NTRK2: variants seen among roughly 807,000 people sequenced by gnomAD.
The protein encoded by NTRK2 is neurotrophic receptor tyrosine kinase 2.
NTRK2 carries 13 observed loss-of-function variants against 94.5 expected under a neutral mutation model. The observed-to-expected ratio is 0.14, with a 90% CI of 0.09 to 0.22. The LOEUF is 0.22. NTRK2 is among the 10% of genes least tolerant of loss of function. The pLI is 1.00. For missense variants in NTRK2, 639 were observed against 1,071.2 expected, an observed-to-expected ratio of 0.60 and a Z score of 5.63; for synonymous variants, 372 against 407.4, an observed-to-expected ratio of 0.91 and a Z score of 1.05.
At chr9:84,797,851 T>C (rs868316455) in intron 12 of NTRK2, among the ~76,000 whole-genome samples, 19 of 80,798 alleles carry the variant, frequency 2.4e-4, no homozygotes, top group African/African-American at 8.5e-4. Flanking sequence ...TATTATATAT[T>C]ATATATACTA....
intron 2 of NTRK2, among the ~76,000 whole-genome samples, chr9:84,693,039 T>C (rs1353257880): frequency 6.6e-6 from 1 of 152,230 alleles, no homozygotes; most frequent in African/African-American, 2.4e-5. Context: ...CAGGAGGAGA[T>C]GCTGGTTCAG....
intron 2 of NTRK2, among the ~76,000 whole-genome samples, chr9:84,685,765 C>A (rs2059673616): frequency 1.3e-5 from 2 of 152,158 alleles, no homozygotes; most frequent in East Asian, 1.9e-4. Context: ...TGTGATGTTG[C>A]TTCCTCTGCC....
At position 84,883,208 on chromosome 9, in the gene NTRK2, A is replaced by G. The variant is rs184658812; in HGVS notation, c.1633+15777A>G. On this transcript the variant is annotated intron_variant, in intron 14 of 18. Transcript: ENST00000277120. ...GGATAAATGTAAGAGTTTGGGGATC[A>G]CTGTTCCAGGTTAGACCCATTGTGG... Among the ~76,000 whole-genome samples the G allele has an allele frequency of 1.2e-4, 18 of 152,350 alleles. No individual in the cohort carries two copies. The East Asian group carries it at 2.9e-3, about 24-fold the overall frequency.
intron 14 of NTRK2, among the ~76,000 whole-genome samples, chr9:84,911,791 C>G (rs972859325): frequency 2.0e-5 from 3 of 151,726 alleles, no homozygotes; most frequent in African/African-American, 7.3e-5. Context: ...TTCCTTTTCT[C>G]TGCTTGTTTT....
At chr9:84,872,369 CA>C in intron 14 of NTRK2, 6 of 1,095,170 alleles carry the variant, frequency 5.5e-6, no homozygotes, top group South Asian at 8.0e-5. Context: ...TCTTGAAGGG[CA>C]GGAGTGTGTT....
chr9:84,737,790 C>G (rs115837696), intron 9 of NTRK2, among the ~76,000 whole-genome samples: 15 of 148,510 alleles, frequency 1.0e-4, no homozygotes, highest in East Asian at 1.9e-4. Context: ...GCCTTCCCCC[C>G]CATCCGTCTC....
chr9:84,886,714 T>C (rs1227119796), intron 14 of NTRK2, among the ~76,000 whole-genome samples: 1 of 152,244 alleles, frequency 6.6e-6, no homozygotes, highest in African/African-American at 2.4e-5. Context: ...TACCTTTATG[T>C]CAACACTTTC....
rs528403283 is a variant in NTRK2 at position 84,859,043 on chromosome 9, G to A, written c.1397-1997G>A. 4.6e-5 allele frequency among the ~76,000 whole-genome samples: 7 copies of A among 152,322 alleles called. No individual in the cohort carries two copies. In the East Asian group the frequency reaches 1.4e-3, roughly 29 times the overall value. On this transcript the variant is annotated intron_variant, in intron 12 of 18. Coordinates refer to ENST00000277120, the MANE Select transcript of NTRK2 (RefSeq NM_006180.6). ...AGGTTGGCTGAGGACCAAGGAAGAA[G>A]TGCCCGGTGGGTAGGTGGAGGCACT...
At chr9:84,719,096 T>C (rs945042076) in intron 6 of NTRK2, among the ~76,000 whole-genome samples, 5 of 152,220 alleles carry the variant, frequency 3.3e-5, no homozygotes, top group African/African-American at 1.2e-4. Context: ...CAAGGAATCA[T>C]AAATACCACT....
chr9:84,788,341 GC>G (rs1260707751), intron 12 of NTRK2, among the ~76,000 whole-genome samples: 30 of 152,352 alleles, frequency 2.0e-4, no homozygotes, highest in Non-Finnish European at 2.9e-5. Context: ...CATTGAACCA[GC>G]CTGTCATTTC....
intron 12 of NTRK2, among the ~76,000 whole-genome samples, chr9:84,788,295 CA>C (rs1171061017): frequency 1.3e-5 from 2 of 152,060 alleles, no homozygotes; most frequent in Non-Finnish European, 2.9e-5. Context: ...ATGAAATTAA[CA>C]AAAAAGTATA....
intron 6 of NTRK2, among the ~76,000 whole-genome samples, chr9:84,715,986 C>G (rs940019019): frequency 6.6e-6 from 1 of 152,138 alleles, no homozygotes; most frequent in African/African-American, 2.4e-5. Context: ...ATGAAATGCT[C>G]TGTCTTAAGT....
At chr9:84,997,828 G>A (rs1829926067) in intron 17 of NTRK2, among the ~76,000 whole-genome samples, 1 of 152,160 alleles carries the variant, frequency 6.6e-6, no homozygotes, top group South Asian at 2.1e-4. Flanking sequence ...GAAGAGATAT[G>A]GAGTCTTGTG....
intron 2 of NTRK2, among the ~76,000 whole-genome samples, chr9:84,672,925 CAT>C (rs898228912): frequency 1.3e-5 from 2 of 152,176 alleles, no homozygotes; most frequent in Non-Finnish European, 2.9e-5. Flanking sequence ...TTTACAAAAG[CAT>C]GTGTCATAGT....
chr9:84,961,278 A>G (rs558805526), intron 17 of NTRK2, among the ~76,000 whole-genome samples: 147 of 152,312 alleles, frequency 9.7e-4, no homozygotes, highest in Non-Finnish European at 7.4e-4. Flanking sequence ...TCTCATCACT[A>G]TATAATACTT....
chr9:84,835,115 G>T (rs1240901752), intron 12 of NTRK2, among the ~76,000 whole-genome samples: 1 of 152,116 alleles, frequency 6.6e-6, no homozygotes, highest in African/African-American at 2.4e-5. Context: ...CCTTAACAAA[G>T]ACTTCTGCCA....
At chr9:84,806,117 T>TGAG (rs988356915) in intron 12 of NTRK2, among the ~76,000 whole-genome samples, 1 of 152,254 alleles carries the variant, frequency 6.6e-6, no homozygotes, top group Non-Finnish European at 1.5e-5. Context: ...GGTATTTGTG[T>TGAG]GAGGCCATGT....
At chr9:84,811,234 A>G in intron 12 of NTRK2, 1 of 1,064,296 alleles carries the variant, frequency 9.4e-7, no homozygotes, top group Middle Eastern at 4.2e-4. Context: ...TAGGTCTGAG[A>G]GTCAAACAAT....
chr9:84,926,165 C>CCTTCCTTT (rs61262253), intron 14 of NTRK2, among the ~76,000 whole-genome samples: 6 of 48,382 alleles, frequency 1.2e-4, no homozygotes, highest in African/African-American at 4.3e-4. Flanking sequence ...TTCCTTCCTT[C>CCTTCCTTT]CTTCCTTTCT....
Sources: gnomAD v4.1 joint callset for allele counts (sites outside exome capture counted in the v4.1 genomes callset) on GRCh38, gnomAD v4.1.1 for gene constraint, MANE v1.5 for transcripts, NCBI Gene and HGNC (gene_info 2026-07-23, HGNC 2026-07-21) for gene names.